ASIC1: variants seen among roughly 807,000 people sequenced by gnomAD.
ASIC1 encodes acid sensing ion channel subunit 1.
In ASIC1, 21 loss-of-function variants were observed where a neutral mutation model predicts 63.4. That is an observed-to-expected ratio of 0.33 (90% CI 0.23 to 0.48). The LOEUF is 0.48. Among genes scored for constraint, ASIC1 ranks in the 20% least tolerant of loss-of-function variants. The pLI, the probability that ASIC1 is intolerant of heterozygous loss-of-function variation, is 0.99. For missense variants in ASIC1, 478 were observed against 695.5 expected, an observed-to-expected ratio of 0.69 and a Z score of 3.52; for synonymous variants, 258 against 278.2, an observed-to-expected ratio of 0.93 and a Z score of 0.72.
rs1210203600 is a variant in ASIC1, at chr12:50,082,441, A to G, written c.*792A>G. On this transcript the variant is annotated 3_prime_UTR_variant, in exon 12 of 12. Coordinates refer to ENST00000447966, the MANE Select transcript of ASIC1 (RefSeq NM_001095.4). ...CTAACCTCACTGGTCCCTCTCCCGG[A>G]GGCCCTTGTAGAGGGCCACGTCCAT... 2.0e-5 allele frequency: 3 copies of G among 152,400 alleles called. No individual in the cohort carries two copies. Among genetic ancestry groups the G allele is most frequent in the Admixed American group, 6.6e-5 (1 of 15,260 alleles). The allele number at this position is 152,400 out of a possible 1,614,324, so 9.4% of individuals were successfully genotyped here.
At chr12:50,070,677 C>T (rs1340345277) in intron 3 of ASIC1, 1 of 152,232 alleles carries the variant, frequency 6.6e-6, no homozygotes, top group African/African-American at 2.4e-5. Context: ...GGACAGTGCC[C>T]TCTAGTGGGA....
intron 3 of ASIC1, among the ~76,000 whole-genome samples, chr12:50,062,579 C>G (rs763371860): frequency 4.8e-5 from 7 of 147,354 alleles, no homozygotes; most frequent in Admixed American, 1.4e-4. Context: ...TACCACCCCC[C>G]ACTGTCCAAG....
At chr12:50,071,061 A>G (rs1043331534) in intron 3 of ASIC1, among the ~76,000 whole-genome samples, 2 of 152,090 alleles carry the variant, frequency 1.3e-5, no homozygotes, top group African/African-American at 2.4e-5. Context: ...CCTTTAGTCT[A>G]TTCCCTGGGT....
In ASIC1 at chr12:50,081,287, G is replaced by C. The variant is rs747493325; in HGVS notation, c.1405G>C (p.Gly469Arg). The C allele has an allele frequency of 7.5e-6, 12 of 1,610,268 alleles. No individual in the cohort carries two copies. The highest frequency in any genetic ancestry group is 1.0e-5 in the Non-Finnish European group (12 of 1,178,426). The part of the protein sequence containing the change: ...EVIKHKLCRR[G>R]KCQKEAKRSS... ...CATTAAGCACAAGCTGTGCCGACGA[G>C]GAAAATGCCAGAAGGAGGCCAAAAG... Residue 469 changes from glycine (G) to arginine (R), a missense_variant, in exon 11 of 12, where the codon GGA becomes CGA. By Grantham distance (125) the Gly-to-Arg change is moderately radical. Transcript: ENST00000447966.
chr12:50,070,419 T>C (rs1225735288), intron 3 of ASIC1, among the ~76,000 whole-genome samples: 2 of 151,702 alleles, frequency 1.3e-5, no homozygotes, highest in Middle Eastern at 3.2e-3. Flanking sequence ...TGTGTGTGTG[T>C]GTTGGGGTGT....
At chr12:50,068,399 G>A (rs1483046784) in intron 3 of ASIC1, among the ~76,000 whole-genome samples, 4 of 152,106 alleles carry the variant, frequency 2.6e-5, no homozygotes, top group African/African-American at 9.7e-5. Flanking sequence ...ATGGAGCTAT[G>A]GTTAAGTCAT....
In ASIC1 at chr12:50,059,937, G is replaced by A. The variant is rs764353781; in HGVS notation, c.541G>A (p.Ala181Thr). 21 of 1,613,872 alleles carry A rather than the reference G, an allele frequency of 1.3e-5. No individual in the cohort carries two copies. Among genetic ancestry groups the A allele is most frequent in the East Asian group, 2.2e-5 (1 of 44,898 alleles). Residue 181 changes from alanine to threonine, a missense_variant, in exon 3 of 12, where the codon GCT becomes ACT. Ala to Thr is a moderately conservative substitution (Grantham distance 58). This residue lies in a region of ASIC1 where 290 missense variants were observed against 414.9 expected (regional missense o/e 0.70). Transcript: ENST00000447966. The surrounding 1 kb of genome is among the most constrained non-coding windows in gnomAD (Gnocchi z 4.6). ...SCHFRGEVCSAEDFKVVFTRY... is the reference protein window; with the variant it reads ...SCHFRGEVCSTEDFKVVFTRY... The stretch of plus-strand genomic sequence containing the variant: ...CCACTTCCGGGGGGAGGTCTGCAGC[G>A]CTGAAGACTTCAAGGTGGTGAGTCC...
Position 50,081,293 on chromosome 12 carries a change from T to C in ASIC1, c.1411T>C (p.Cys471Arg), listed in dbSNP as rs1250855092. The C allele has an allele frequency of 6.2e-7, 1 of 1,610,444 alleles. No individual in the cohort carries two copies. Among genetic ancestry groups the C allele is most frequent in the Admixed American group, 1.7e-5 (1 of 59,528 alleles). ...GCACAAGCTGTGCCGACGAGGAAAA[T>C]GCCAGAAGGAGGCCAAAAGGAGCAG... Reference protein sequence around the residue: ...IKHKLCRRGKCQKEAKRSSAD... With the variant: ...IKHKLCRRGKRQKEAKRSSAD... Residue 471 changes from cysteine (C) to arginine (R), a missense_variant, in exon 11 of 12, where the codon TGC becomes CGC. Around this residue, in one of 3 missense-constraint regions of ASIC1, gnomAD observed 104 missense variants for 97.0 expected, o/e 1.07. Coordinates refer to ENST00000447966, the MANE Select transcript of ASIC1 (RefSeq NM_001095.4).
rs544797255 is a variant in ASIC1 at position 50,080,062 on chromosome 12, G to T, written c.1205+7G>T. The T allele has an allele frequency of 6.9e-6, 11 of 1,605,486 alleles. No individual in the cohort carries two copies. In the South Asian group the frequency reaches 1.0e-4, roughly 15 times the overall value. ...AATCTGAGCAATACATAGGGTAAGG[G>T]CTCTGGCTGGGTAGAGCAAGGCCCT... is the stretch of plus-strand genomic sequence containing the variant. On this transcript the variant is annotated splice_region_variant and intron_variant, in intron 8 of 11. Transcript: ENST00000447966.
At chr12:50,058,418 C>A (rs966368460) in intron 1 of ASIC1, among the ~76,000 whole-genome samples, 2 of 152,196 alleles carry the variant, frequency 1.3e-5, no homozygotes, top group African/African-American at 4.8e-5. Flanking sequence ...CCCAGAGTGA[C>A]CCCACATCTG....
chr12:50,079,035 C>A, intron 7 of ASIC1, 55 bp downstream of exon 7: 1 of 1,559,118 alleles, frequency 6.4e-7, no homozygotes, highest in Non-Finnish European at 8.8e-7. Context: ...CTGCCAGCCA[C>A]GTGCGCAGGA....
chr12:50,060,251 C>G (rs189937277), intron 3 of ASIC1, among the ~76,000 whole-genome samples: 3 of 152,344 alleles, frequency 2.0e-5, no homozygotes, highest in Admixed American at 2.0e-4. Flanking sequence ...ACCCACCAAG[C>G]TTACCTTCTA....
intron 3 of ASIC1, chr12:50,073,612 T>C: frequency 6.5e-7 from 1 of 1,534,092 alleles, no homozygotes; most frequent in Non-Finnish European, 8.7e-7. Flanking sequence ...CTGCTCCATG[T>C]CATTCTCCTC....
chr12:50,065,244 G>C (rs1418993481), intron 3 of ASIC1, among the ~76,000 whole-genome samples: 3 of 152,088 alleles, frequency 2.0e-5, no homozygotes, highest in Non-Finnish European at 2.9e-5. Context: ...TCTACCTTCT[G>C]ACCTATAACG....
chr12:50,064,926 G>A (rs755105519), intron 3 of ASIC1, among the ~76,000 whole-genome samples: 2 of 152,188 alleles, frequency 1.3e-5, no homozygotes, highest in Non-Finnish European at 2.9e-5. Flanking sequence ...AGTGCAGCAC[G>A]GAAGGTTCAG....
In ASIC1 at chr12:50,059,749, C is replaced by G. The variant is rs186971885; in HGVS notation, c.363-10C>G. ...TACTGACCCGTGTGTCACTCACCCC[C>G]GGACCCCAGGTATGAGATACCAGAC... On this transcript the variant is annotated splice_polypyrimidine_tract_variant and intron_variant, in intron 2 of 11. Coordinates refer to ENST00000447966, the MANE Select transcript of ASIC1 (RefSeq NM_001095.4). The surrounding 1 kb of genome is among the most constrained non-coding windows in gnomAD (Gnocchi z 4.6). 1.2e-6 allele frequency: 2 copies of G among 1,610,688 alleles called. No individual in the cohort carries two copies. The highest frequency in any genetic ancestry group is 1.7e-6 in the Non-Finnish European group (2 of 1,178,354).
Position 50,078,690 on chromosome 12 carries a change from C to T in ASIC1, c.994+113C>T, listed in dbSNP as rs1950684023. On this transcript the variant is annotated intron_variant, in intron 6 of 11. Transcript: ENST00000447966. The surrounding 1 kb of genome is among the most constrained non-coding windows in gnomAD (Gnocchi z 6.0). ...CCCAGTTCCAGCCCACCCCATCCCA[C>T]ACCCACCTGGCTCATGTCTCTCTGA... is the stretch of plus-strand genomic sequence containing the variant. 8 of 1,495,268 alleles carry T rather than the reference C, an allele frequency of 5.4e-6. No homozygotes were observed. The East Asian group carries it at 1.6e-4, about 30-fold the overall frequency. 92.6% of individuals were successfully genotyped at this position (1,495,268 alleles called of 1,614,324 possible).
At chr12:50,061,327 T>A (rs1950498991) in intron 3 of ASIC1, among the ~76,000 whole-genome samples, 1 of 152,224 alleles carries the variant, frequency 6.6e-6, no homozygotes, top group Non-Finnish European at 1.5e-5. Context: ...CCAGTTTCAC[T>A]GGCCTTTGTC....
Position 50,059,729 on chromosome 12 carries a change from ACCCGTGTGTCACTCAC to A in ASIC1, c.363-26_363-11del. On this transcript the variant is annotated splice_polypyrimidine_tract_variant and intron_variant, in intron 2 of 11. Transcript: ENST00000447966. This position sits in a 1 kb window ranked among gnomAD's most constrained non-coding sequence, Gnocchi z 4.6. Reference sequence around the variant, plus strand: ...GTGCAGGACACTGATGACTGTACTGACCCGTGTGTCACTCACCCCCGGACCCCAGGTATGAGATACC... The same window carrying A: ...GTGCAGGACACTGATGACTGTACTGACCCCGGACCCCAGGTATGAGATACC... The A allele has an allele frequency of 1.2e-5, 20 of 1,603,140 alleles. No individual in the cohort carries two copies. The highest frequency in any genetic ancestry group is 1.7e-5 in the Non-Finnish European group (20 of 1,174,448).
Sources: allele counts gnomAD v4.1 joint callset (sites outside exome capture counted in the v4.1 genomes callset), GRCh38; gene constraint gnomAD v4.1.1; regional missense constraint gnomAD v4.1.1; non-coding constraint Gnocchi (gnomAD v3.1); transcripts MANE v1.5; gene names NCBI Gene and HGNC (gene_info 2026-07-23, HGNC 2026-07-21).